CNTLN: variants seen among roughly 807,000 people sequenced by gnomAD.
CNTLN encodes centlein, centrosomal protein.
A neutral mutation model predicts 180.0 loss-of-function variants in CNTLN; 212 were observed. The observed-to-expected ratio is 1.18, with a 90% CI of 1.05 to 1.32. The LOEUF (loss-of-function observed/expected upper bound fraction) is 1.32. CNTLN is among the 40% of genes most tolerant of loss of function. CNTLN has a pLI of 0.00. For synonymous variants in CNTLN, 722 were observed against 563.1 expected (o/e 1.28, Z -3.99); for missense variants, 2,095 against 1,610.9 (o/e 1.30, Z -5.14).
chr9:17,446,535 T>A (rs1299928598), intron 18 of CNTLN, among the ~76,000 whole-genome samples: 2 of 152,206 alleles, frequency 1.3e-5, no homozygotes, highest in East Asian at 3.8e-4. Flanking sequence ...TAAGAACTGA[T>A]TCAAATGTAA....
intron 5 of CNTLN, among the ~76,000 whole-genome samples, chr9:17,238,255 A>C (rs1380435163): frequency 2.0e-5 from 3 of 152,190 alleles, no homozygotes; most frequent in African/African-American, 7.2e-5. Flanking sequence ...TTTGGTAGTC[A>C]TTTTATTATT....
Position 17,201,614 on chromosome 9 carries a change from T to C in CNTLN, c.450-24589T>C, listed in dbSNP as rs554784427. Reference sequence around the variant, plus strand: ...TCCATTTCCTCTAGATTTTCTAGTTTTTTTGCGTAGAGGTGTTTATGGTAT... The same window carrying C: ...TCCATTTCCTCTAGATTTTCTAGTTCTTTTGCGTAGAGGTGTTTATGGTAT... On this transcript the variant is annotated intron_variant, in intron 2 of 25. Transcript: ENST00000380647. 3.0e-4 allele frequency among the ~76,000 whole-genome samples: 46 copies of C among 152,300 alleles called. 1 individual carries two copies. Among genetic ancestry groups the C allele is most frequent in the African/African-American group, 1.1e-3 (45 of 41,576 alleles).
intron 18 of CNTLN, among the ~76,000 whole-genome samples, chr9:17,418,350 A>T (rs533739376): frequency 6.6e-6 from 1 of 152,096 alleles, no homozygotes; most frequent in Non-Finnish European, 1.5e-5. Flanking sequence ...TTCTCTACTG[A>T]TAAAGTAACT....
chr9:17,281,827 A>G (rs1828682624), intron 6 of CNTLN, among the ~76,000 whole-genome samples: 1 of 152,116 alleles, frequency 6.6e-6, no homozygotes, highest in Non-Finnish European at 1.5e-5. Context: ...GCTGGGTCAA[A>G]TGGTGTTTCT....
chr9:17,435,121 T>A (rs1370150844), intron 18 of CNTLN, among the ~76,000 whole-genome samples: 1 of 152,230 alleles, frequency 6.6e-6, no homozygotes, highest in Non-Finnish European at 1.5e-5. Flanking sequence ...CTAGAAAAAC[T>A]GTCTTTAAAT....
intron 2 of CNTLN, among the ~76,000 whole-genome samples, chr9:17,201,160 C>A (rs966502326): frequency 1.3e-5 from 2 of 152,136 alleles, no homozygotes; most frequent in African/African-American, 4.8e-5. Flanking sequence ...GTAGAACCAG[C>A]CTTGCATCCT....
chr9:17,481,191 C>T (rs765940086), intron 23 of CNTLN, among the ~76,000 whole-genome samples: 2 of 152,194 alleles, frequency 1.3e-5, no homozygotes, highest in African/African-American at 2.4e-5. Flanking sequence ...GCTCAGCCCA[C>T]AGCCCTGCCC....
intron 3 of CNTLN, among the ~76,000 whole-genome samples, chr9:17,228,675 C>T (rs915667961): frequency 9.2e-5 from 14 of 152,106 alleles, no homozygotes; most frequent in Middle Eastern, 6.8e-3. Context: ...CTCATACAGA[C>T]GACTGTATAC....
intron 5 of CNTLN, among the ~76,000 whole-genome samples, chr9:17,265,467 A>G (rs2132421695): frequency 6.6e-6 from 1 of 151,560 alleles, no homozygotes; most frequent in Admixed American, 6.6e-5. Flanking sequence ...GGATTTTTAC[A>G]TCAATGTTCA....
intron 18 of CNTLN, among the ~76,000 whole-genome samples, chr9:17,433,069 A>G (rs1232032739): frequency 6.6e-6 from 1 of 151,340 alleles, no homozygotes; most frequent in Non-Finnish European, 1.5e-5. Context: ...AAAATGTCTA[A>G]CCTCCAAATC....
At chr9:17,358,085 T>C (rs868004530) in intron 12 of CNTLN, among the ~76,000 whole-genome samples, 49 of 152,154 alleles carry the variant, frequency 3.2e-4, no homozygotes, top group African/African-American at 1.0e-3. Flanking sequence ...CTAGGGAATA[T>C]AAAAACCCTT....
chr9:17,487,722 G>C (rs374372537), intron 25 of CNTLN, among the ~76,000 whole-genome samples: 1 of 152,032 alleles, frequency 6.6e-6, no homozygotes, highest in Admixed American at 6.6e-5. Flanking sequence ...ATCCCTGAGG[G>C]GTCTGTTGAG....
chr9:17,313,161 A>G (rs543548434), intron 8 of CNTLN, among the ~76,000 whole-genome samples: 145 of 152,128 alleles, frequency 9.5e-4, no homozygotes, highest in Non-Finnish European at 1.5e-3. Flanking sequence ...TATATTTTGC[A>G]TAGTATAACT....
intron 13 of CNTLN, among the ~76,000 whole-genome samples, chr9:17,368,994 C>G (rs1445652012): frequency 1.3e-5 from 2 of 152,186 alleles, no homozygotes; most frequent in Non-Finnish European, 2.9e-5. Context: ...AGCAAACATC[C>G]ATAAGGATCA....
rs1484602952 is a variant in CNTLN, at chr9:17,298,220, C to G, written c.1014C>G (p.Tyr338Ter). 1.9e-6 allele frequency: 3 copies of G among 1,549,358 alleles called. No homozygotes were observed. The highest frequency in any genetic ancestry group is 4.0e-5 in the Admixed American group (2 of 49,486). ...AACTGCAGGAGCTGCAGAATCTTTA[C>G]AAACAGAACAGTACACATACAGCCC... Reference protein sequence around the residue: ...RKELQELQNLYKQNSTHTAQQ... With the variant: ...RKELQELQNL Residue 338 changes from tyrosine to a stop codon, truncating the protein, a stop_gained, in exon 7 of 26, where the codon TAC (tyrosine) becomes TAG (stop). Transcript: ENST00000380647. LOFTEE classifies it high-confidence loss of function.
intron 3 of CNTLN, among the ~76,000 whole-genome samples, chr9:17,232,951 A>T (rs1401844531): frequency 6.6e-6 from 1 of 151,708 alleles, no homozygotes; most frequent in Non-Finnish European, 1.5e-5. Flanking sequence ...TATTTGATTG[A>T]TGTCAGGCAC....
the CNTLN span, among the ~76,000 whole-genome samples, chr9:17,519,913 G>A: frequency 6.6e-6 from 1 of 152,168 alleles, no homozygotes; most frequent in Non-Finnish European, 1.5e-5. Flanking sequence ...GAAGCAAGAG[G>A]CATGCCGGGA....
intron 5 of CNTLN, among the ~76,000 whole-genome samples, chr9:17,248,540 A>AT (rs1554667373): frequency 0.17 from 25,512 of 147,264 alleles, 2,491 homozygotes; most frequent in South Asian, 0.28. Context: ...ATAATTATAA[A>AT]TATATTTAAT....
At chr9:17,449,616 C>T (rs1003269116) in intron 18 of CNTLN, among the ~76,000 whole-genome samples, 6 of 152,032 alleles carry the variant, frequency 3.9e-5, no homozygotes, top group East Asian at 1.9e-4. Flanking sequence ...TTATTTTTCC[C>T]GTGAATACTT....
Sources: gnomAD v4.1 joint callset for allele counts (sites outside exome capture counted in the v4.1 genomes callset) on GRCh38, gnomAD v4.1.1 for gene constraint, MANE v1.5 for transcripts, NCBI Gene and HGNC (gene_info 2026-07-23, HGNC 2026-07-21) for gene names.